Variants in GPHN observed in about 807,000 individuals in gnomAD.
GPHN encodes gephyrin.
GPHN carries 17 observed loss-of-function variants against 95.5 expected under a neutral mutation model. That is an observed-to-expected ratio of 0.18 (90% CI 0.12 to 0.27). GPHN has a LOEUF of 0.27. GPHN is among the 10% of genes least tolerant of loss of function. The pLI is 1.00. For synonymous variants in GPHN, 320 were observed against 322.5 expected, an observed-to-expected ratio of 0.99 and a Z score of 0.08; for missense variants, 660 against 978.1, an observed-to-expected ratio of 0.67 and a Z score of 4.34.
the GPHN span, among the ~76,000 whole-genome samples, chr14:67,296,709 TTA>T: frequency 6.6e-6 from 1 of 151,994 alleles, no homozygotes; most frequent in South Asian, 2.1e-4. Context: ...AAGAATTAAC[TTA>T]TATGAATAGG....
chr14:67,543,618 A>G, the GPHN span, among the ~76,000 whole-genome samples: 8 of 152,260 alleles, frequency 5.3e-5, no homozygotes, highest in East Asian at 1.4e-3. Context: ...CCAGAAAATC[A>G]TTCTGTACAC....
chr14:67,690,735 G>A, the GPHN span: 1 of 399,394 alleles, frequency 2.5e-6, no homozygotes, highest in Non-Finnish European at 4.6e-6. Context: ...GGTAATCTCA[G>A]CACTTAAAGA....
At chr14:67,112,962 G>A in intron 15 of GPHN, 56 bp from the exon 16 acceptor site, 1 of 1,548,776 alleles carries the variant, frequency 6.5e-7, no homozygotes, top group Non-Finnish European at 8.9e-7. Flanking sequence ...TTCCCTCTGA[G>A]TTGAGAAAAT....
chr14:66,897,930 G>A (rs767620637), intron 5 of GPHN, among the ~76,000 whole-genome samples: 1 of 152,090 alleles, frequency 6.6e-6, no homozygotes, highest in Non-Finnish European at 1.5e-5. Context: ...AGTATTTGGA[G>A]TTGTCACTAT....
the GPHN span, chr14:67,620,091 G>A: frequency 1.3e-6 from 2 of 1,593,942 alleles, no homozygotes; most frequent in South Asian, 2.3e-5. Context: ...AAGGGCAGGT[G>A]AGAACTGGCA....
In GPHN at chr14:67,015,197, G is replaced by A. The variant is rs577766365; in HGVS notation, c.964-8436G>A. On this transcript the variant is annotated intron_variant, in intron 9 of 22. Transcript: ENST00000478722. ...CAGCTATATAACCTGACACACTTCC[G>A]ACTTCTTTAAGAATGGGTCAATACT... Among the ~76,000 whole-genome samples the A allele has an allele frequency of 1.9e-4, 29 of 152,166 alleles. No individual in the cohort carries two copies. The South Asian group carries it at 3.5e-3, about 19-fold the overall frequency.
chr14:66,736,525 A>C (rs1019681057), intron 2 of GPHN, among the ~76,000 whole-genome samples: 5 of 150,694 alleles, frequency 3.3e-5, no homozygotes, highest in Non-Finnish European at 5.9e-5. Context: ...CAGCCTCCTG[A>C]GTAGCTGGGA....
chr14:67,020,036 A>T (rs1212818348), intron 9 of GPHN, among the ~76,000 whole-genome samples: 1 of 152,158 alleles, frequency 6.6e-6, no homozygotes, highest in Admixed American at 6.6e-5. Context: ...TACATTATGC[A>T]TGCATCTTTC....
chr14:66,591,721 C>T (rs1360791955), intron 1 of GPHN, among the ~76,000 whole-genome samples: 1 of 152,190 alleles, frequency 6.6e-6, no homozygotes, highest in Admixed American at 6.5e-5. Flanking sequence ...GTGAAAATGA[C>T]CATACTGCCC....
the GPHN span, chr14:67,582,172 A>G: frequency 6.2e-7 from 1 of 1,613,674 alleles, no homozygotes; most frequent in South Asian, 1.1e-5. This position sits in a 1 kb window ranked among gnomAD's most constrained non-coding sequence, Gnocchi z 5.0. Flanking sequence ...TCCTATCAAC[A>G]AGGAATTGGC....
intron 6 of GPHN, among the ~76,000 whole-genome samples, chr14:66,920,542 T>G (rs1397231725): frequency 6.6e-6 from 1 of 151,906 alleles, no homozygotes; most frequent in Non-Finnish European, 1.5e-5. Context: ...GCTTTTTTTT[T>G]TTTTAGAGAA....
the GPHN span, chr14:67,387,274 C>T: frequency 1.0e-5 from 16 of 1,559,588 alleles, no homozygotes; most frequent in Middle Eastern, 1.7e-4. Flanking sequence ...TCTCCAGGAA[C>T]TCTTGTCTGT....
intron 2 of GPHN, among the ~76,000 whole-genome samples, chr14:66,762,530 T>C (rs1008002765): frequency 4.1e-5 from 6 of 146,182 alleles, no homozygotes; most frequent in Admixed American, 2.1e-4. Context: ...CTAAGAAATA[T>C]ATGGATTTGC....
intron 1 of GPHN, among the ~76,000 whole-genome samples, chr14:66,631,222 T>C (rs917075157): frequency 6.6e-6 from 1 of 151,972 alleles, no homozygotes; most frequent in African/African-American, 2.4e-5. Context: ...CTAATTTTTG[T>C]ATTTTCAATA....
intron 5 of GPHN, among the ~76,000 whole-genome samples, chr14:66,912,805 A>G (rs1041364573): frequency 1.3e-5 from 2 of 152,194 alleles, no homozygotes; most frequent in Admixed American, 1.3e-4. Context: ...GTACTAGATT[A>G]TACTGTACCT....
At chr14:67,178,963 G>A (rs1475083621) in intron 21 of GPHN, among the ~76,000 whole-genome samples, 1 of 152,168 alleles carries the variant, frequency 6.6e-6, no homozygotes, top group Non-Finnish European at 1.5e-5. Flanking sequence ...ACTATATGCA[G>A]CAAAGCTATC....
intron 9 of GPHN, among the ~76,000 whole-genome samples, chr14:67,013,059 G>T (rs953340583): frequency 4.6e-5 from 7 of 151,794 alleles, no homozygotes; most frequent in African/African-American, 1.5e-4. Flanking sequence ...TATCAATTTT[G>T]TTCATGTTTT....
At chr14:66,589,257 C>G (rs557161144) in intron 1 of GPHN, among the ~76,000 whole-genome samples, 3 of 152,056 alleles carry the variant, frequency 2.0e-5, no homozygotes, top group African/African-American at 7.2e-5. Flanking sequence ...AAGAAAAAAC[C>G]GGTACCAGCC....
At chr14:67,080,554 C>A (rs933206955) in intron 11 of GPHN, among the ~76,000 whole-genome samples, 1 of 151,962 alleles carries the variant, frequency 6.6e-6, no homozygotes, top group Non-Finnish European at 1.5e-5. Context: ...ACATTTAGGT[C>A]TTTAATGCAG....
Sources: allele counts gnomAD v4.1 joint callset (sites outside exome capture counted in the v4.1 genomes callset), GRCh38; gene constraint gnomAD v4.1.1; non-coding constraint Gnocchi (gnomAD v3.1); transcripts MANE v1.5; gene names NCBI Gene and HGNC (gene_info 2026-07-23, HGNC 2026-07-21).